Variants in SERPINB7 observed in about 807,000 individuals in gnomAD.
SERPINB7 encodes the protein serpin family B member 7, also known as serpin B7.
A neutral mutation model predicts 37.4 loss-of-function variants in SERPINB7; 31 were observed. That is an observed-to-expected ratio of 0.83 (90% CI 0.62 to 1.12). The LOEUF (loss-of-function observed/expected upper bound fraction) is 1.12. Ranked by LOEUF, SERPINB7 falls within the 50% of genes most tolerant of loss-of-function variation. SERPINB7 has a pLI of 0.00. For missense variants in SERPINB7, 521 were observed against 455.3 expected (o/e 1.14, Z -1.31); for synonymous variants, 163 against 166.1 (o/e 0.98, Z 0.14).
At chr18:63,763,121 A>G (rs1286096596) in intron 1 of SERPINB7, among the ~76,000 whole-genome samples, 2 of 152,150 alleles carry the variant, frequency 1.3e-5, no homozygotes, top group East Asian at 3.9e-4. Flanking sequence ...CTTGCTCTGG[A>G]CTGAGATTGG....
intron 1 of SERPINB7, among the ~76,000 whole-genome samples, chr18:63,758,969 A>T (rs1011720229): frequency 2.0e-5 from 3 of 152,248 alleles, no homozygotes; most frequent in Admixed American, 1.3e-4. Context: ...GAGTGGAATC[A>T]TCACTAAATG....
intron 1 of SERPINB7, among the ~76,000 whole-genome samples, chr18:63,780,854 A>C (rs1468882250): frequency 6.6e-6 from 1 of 152,196 alleles, no homozygotes; most frequent in Non-Finnish European, 1.5e-5. Flanking sequence ...CAAAGAGCAG[A>C]GTATGGGTCC....
intron 2 of SERPINB7, among the ~76,000 whole-genome samples, chr18:63,790,404 G>A (rs1462999882): frequency 6.6e-6 from 1 of 152,154 alleles, no homozygotes; most frequent in Non-Finnish European, 1.5e-5. Flanking sequence ...CTTTGGGGAG[G>A]AAGCATTTAA....
intron 2 of SERPINB7, among the ~76,000 whole-genome samples, chr18:63,791,769 A>C (rs1435813932): frequency 2.1e-5 from 3 of 144,308 alleles, no homozygotes; most frequent in South Asian, 2.2e-4. Context: ...CACCACCACA[A>C]CCAGCTAATT....
In SERPINB7 at chr18:63,798,587, A is replaced by T. The variant is rs769356394; in HGVS notation, c.455-17A>T. Reference sequence around the variant, plus strand: ...ATATTAAAATAAACATTTTTCCCTCAATTTTTTTTTCAAAAGGCAAAATCA... The same window carrying T: ...ATATTAAAATAAACATTTTTCCCTCTATTTTTTTTTCAAAAGGCAAAATCA... On this transcript the variant is annotated splice_polypyrimidine_tract_variant and intron_variant, in intron 5 of 7. Coordinates refer to ENST00000398019, the MANE Select transcript of SERPINB7 (RefSeq NM_003784.4). 223 of 1,515,462 alleles carry T rather than the reference A, an allele frequency of 1.5e-4. No homozygotes were observed. Among genetic ancestry groups the T allele is most frequent in the Non-Finnish European group, 1.9e-4 (213 of 1,139,864 alleles). The allele number at this position is 1,515,462 out of a possible 1,614,324, so 93.9% of individuals were successfully genotyped here.
intron 2 of SERPINB7, among the ~76,000 whole-genome samples, chr18:63,789,649 T>C (rs2144626165): frequency 6.6e-6 from 1 of 152,292 alleles, no homozygotes; most frequent in East Asian, 1.9e-4. Context: ...TTTCTCTCAA[T>C]TGGGAAGAGA....
chr18:63,764,187 C>G (rs1239541904), intron 1 of SERPINB7, among the ~76,000 whole-genome samples: 1 of 152,116 alleles, frequency 6.6e-6, no homozygotes, highest in African/African-American at 2.4e-5. Context: ...TTTTCTCTAT[C>G]ACTTACAGCC....
At chr18:63,795,264 A>T (rs951756921) in intron 4 of SERPINB7, among the ~76,000 whole-genome samples, 3 of 152,210 alleles carry the variant, frequency 2.0e-5, no homozygotes, top group Non-Finnish European at 2.9e-5. Flanking sequence ...ACAGACTGTT[A>T]GGAAATGTAG....
chr18:63,776,934 G>C (rs961461939), intron 1 of SERPINB7, among the ~76,000 whole-genome samples: 2 of 151,708 alleles, frequency 1.3e-5, no homozygotes, highest in African/African-American at 4.8e-5. Context: ...ATATTCTAAC[G>C]CATCTCTCTC....
chr18:63,798,409 A>C (rs1284600118), intron 5 of SERPINB7, among the ~76,000 whole-genome samples, 195 bp from the exon 6 acceptor site: 4 of 152,190 alleles, frequency 2.6e-5, no homozygotes, highest in Non-Finnish European at 5.9e-5. Context: ...GGATTATGTA[A>C]GGATTAAACC....
chr18:63,800,411 GA>G lies in SERPINB7; in HGVS notation c.598-446del, dbSNP rs906038786. ...CTAGTCTGTGTTTTACTTCTGAGAAGAAAAAAAAACCTATAGCATTCATTTT... is the reference window on the plus strand; with the variant it reads ...CTAGTCTGTGTTTTACTTCTGAGAAGAAAAAAAACCTATAGCATTCATTTT... On this transcript the variant is annotated intron_variant, in intron 6 of 7. Coordinates refer to ENST00000398019, the MANE Select transcript of SERPINB7 (RefSeq NM_003784.4). 1.7e-3 allele frequency among the ~76,000 whole-genome samples: 248 copies of G among 149,804 alleles called. 3 individuals are homozygous for G. Among genetic ancestry groups the G allele is most frequent in the African/African-American group, 5.7e-3 (232 of 40,924 alleles).
At chr18:63,787,697 A>T (rs1028427001) in intron 2 of SERPINB7, among the ~76,000 whole-genome samples, 1 of 152,200 alleles carries the variant, frequency 6.6e-6, no homozygotes, top group Non-Finnish European at 1.5e-5. Context: ...AAAGAATTGC[A>T]GGGAGTTGTT....
rs61751998 is a variant in SERPINB7 at position 63,800,964 on chromosome 18, T to A, written c.696T>A (p.Asn232Lys). 6.2e-7 allele frequency: 1 copy of A among 1,613,982 alleles called. No individual in the cohort carries two copies. The highest frequency in any genetic ancestry group is 2.2e-5 in the East Asian group (1 of 44,868). Residue 232 changes from asparagine (N) to lysine (K), a missense_variant, in exon 7 of 8, where the codon AAT (asparagine) becomes AAA (lysine). Coordinates refer to ENST00000398019, the MANE Select transcript of SERPINB7 (RefSeq NM_003784.4). ...TGAAGATTCTTGAGCTCAGATACAA[T>A]GGTGGCATAAACATGTACGTTCTGC... ...PSMKILELRYNGGINMYVLLP... is the reference protein window; with the variant it reads ...PSMKILELRYKGGINMYVLLP...
chr18:63,761,556 T>A (rs561671679), intron 1 of SERPINB7, among the ~76,000 whole-genome samples: 2 of 152,168 alleles, frequency 1.3e-5, no homozygotes, highest in Non-Finnish European at 2.9e-5. Context: ...ATGGTTTGAC[T>A]GTGTCCCCAT....
intron 3 of SERPINB7, among the ~76,000 whole-genome samples, chr18:63,792,672 A>G (rs1241657203): frequency 6.6e-6 from 1 of 152,232 alleles, no homozygotes; most frequent in Non-Finnish European, 1.5e-5. Flanking sequence ...TAAACCCAAG[A>G]GATGGAAGTT....
chr18:63,794,030 G>GCGTCT (rs1399156055), intron 4 of SERPINB7, among the ~76,000 whole-genome samples: 2 of 151,294 alleles, frequency 1.3e-5, no homozygotes, highest in Non-Finnish European at 2.9e-5. Flanking sequence ...TGCAACCTCT[G>GCGTCT]CGTCTCGGGT....
rs1043654822 is a variant in SERPINB7, at chr18:63,792,409, C to G, written c.185C>G (p.Thr62Ser). 5.6e-6 allele frequency: 9 copies of G among 1,604,532 alleles called. No homozygotes were observed. The highest frequency in any genetic ancestry group is 4.5e-5 in the East Asian group (2 of 44,814). ...SQIDKLLHVN[T>S]ASGYGNSSNS... ...TGTTTACAGTTGCTTCATGTTAACA[C>G]TGCCTCAGGATATGGAAACTCTTCT... is the stretch of plus-strand genomic sequence containing the variant. The change falls in exon 3 of 8, where the codon ACT becomes AGT. Residue 62 changes from threonine (T) to serine (S), a missense_variant. Thr to Ser is a moderately conservative substitution (Grantham distance 58). Coordinates refer to ENST00000398019, the MANE Select transcript of SERPINB7 (RefSeq NM_003784.4).
At chr18:63,762,961 G>A (rs1449302387) in intron 1 of SERPINB7, among the ~76,000 whole-genome samples, 1 of 152,162 alleles carries the variant, frequency 6.6e-6, no homozygotes, top group Non-Finnish European at 1.5e-5. Context: ...TTAAGACGTA[G>A]ATGACATTTG....
chr18:63,800,904 G>A lies in SERPINB7; in HGVS notation c.636G>A (p.Arg212=). The change falls in exon 7 of 8, where the codon CGG becomes CGA. Residue 212 remains arginine, a synonymous_variant. Coordinates refer to ENST00000398019, the MANE Select transcript of SERPINB7 (RefSeq NM_003784.4). ...GKAVAMMHQE[R]KFNLSVIEDP... ...CAGTCGCCATGATGCATCAGGAACGGAAGTTCAATTTGTCTGTTATTGAGG... is the reference window on the plus strand; with the variant it reads ...CAGTCGCCATGATGCATCAGGAACGAAAGTTCAATTTGTCTGTTATTGAGG... 1.2e-6 allele frequency: 2 copies of A among 1,613,948 alleles called. No individual in the cohort carries two copies. Among genetic ancestry groups the A allele is most frequent in the Non-Finnish European group, 1.7e-6 (2 of 1,179,874 alleles).
Sources: gnomAD v4.1 joint callset for allele counts (sites outside exome capture counted in the v4.1 genomes callset) on GRCh38, gnomAD v4.1.1 for gene constraint, MANE v1.5 for transcripts, NCBI Gene and HGNC (gene_info 2026-07-23, HGNC 2026-07-21) for gene names.